Variants in FAM24B observed in about 807,000 individuals in gnomAD.
FAM24B encodes the protein family with sequence similarity 24 member B.
In FAM24B, 3 loss-of-function variants were observed where a neutral mutation model predicts 2.3. The ratio of observed to expected loss-of-function variants is 1.29; its 90% CI spans 0.59 to 3.32. The LOEUF (loss-of-function observed/expected upper bound fraction) is 3.32. Ranked by LOEUF, FAM24B falls within the 30% of genes most tolerant of loss-of-function variation. FAM24B has a pLI of 0.03. For missense variants in FAM24B, 98 were observed against 117.2 expected, an observed-to-expected ratio of 0.84 and a Z score of 0.76; for synonymous variants, 36 against 46.3, an observed-to-expected ratio of 0.78 and a Z score of 0.90.
chr10:122,849,444 A>G lies in FAM24B; in HGVS notation c.93-5T>C. 6.2e-7 allele frequency: 1 copy of G among 1,604,658 alleles called. No homozygotes were observed. Reference sequence around the variant, plus strand: ...GCTTCAGGTTCCTTTGCAGCTCTTGAGAAAAGACACACACAAAGCACAGGC... The same window carrying G: ...GCTTCAGGTTCCTTTGCAGCTCTTGGGAAAAGACACACACAAAGCACAGGC... On this transcript the variant is annotated splice_region_variant and splice_polypyrimidine_tract_variant and intron_variant, in intron 3 of 3. Coordinates refer to ENST00000368898, the MANE Select transcript of FAM24B (RefSeq NM_152644.3).
intron 1 of FAM24B, among the ~76,000 whole-genome samples, chr10:122,869,558 A>G (rs1464479951): frequency 6.6e-6 from 1 of 152,186 alleles, no homozygotes; most frequent in Non-Finnish European, 1.5e-5. Flanking sequence ...AGCAAATGTA[A>G]AAGAACAGAA....
rs757266896 is a variant in FAM24B, at chr10:122,849,434, G to C, written c.98C>G (p.Ala33Gly). 1.1e-5 allele frequency: 18 copies of C among 1,606,294 alleles called. No homozygotes were observed. The highest frequency in any genetic ancestry group is 1.5e-5 in the Non-Finnish European group (18 of 1,176,606). ...YFKIHNALKAAKEPEAVAVKN... is the reference protein window; with the variant it reads ...YFKIHNALKAGKEPEAVAVKN... ...TACAGCCACAGCTTCAGGTTCCTTT[G>C]CAGCTCTTGAGAAAAGACACACACA... Residue 33 changes from alanine to glycine, a missense_variant, in exon 4 of 4, where the codon GCA becomes GGA. By Grantham distance (60) the Ala-to-Gly change is moderately conservative. Transcript: ENST00000368898.
intron 1 of FAM24B, among the ~76,000 whole-genome samples, chr10:122,860,981 G>A (rs542170508): frequency 6.6e-6 from 1 of 151,890 alleles, no homozygotes; most frequent in African/African-American, 2.4e-5. Flanking sequence ...CTAGTCTATG[G>A]CTTTTCTTTT....
chr10:122,869,292 G>T (rs373598250), intron 1 of FAM24B, among the ~76,000 whole-genome samples: 2 of 152,132 alleles, frequency 1.3e-5, no homozygotes, highest in African/African-American at 4.8e-5. Flanking sequence ...AGCAAGTCCT[G>T]AGTGACCTAC....
chr10:122,865,778 A>T (rs900876924), intron 1 of FAM24B, among the ~76,000 whole-genome samples: 10 of 147,702 alleles, frequency 6.8e-5, no homozygotes, highest in Non-Finnish European at 1.2e-4. Flanking sequence ...GTAATTATTA[A>T]TTTTTTTTTT....
chr10:122,857,424 G>A (rs1412768705), intron 1 of FAM24B, among the ~76,000 whole-genome samples: 3 of 152,128 alleles, frequency 2.0e-5, no homozygotes, highest in African/African-American at 4.8e-5. Flanking sequence ...TGAAGCCAAC[G>A]AGCTTTGCTG....
At chr10:122,868,097 A>G (rs1248300705) in intron 1 of FAM24B, among the ~76,000 whole-genome samples, 2 of 152,244 alleles carry the variant, frequency 1.3e-5, no homozygotes, top group Non-Finnish European at 2.9e-5. Flanking sequence ...AAGTCCTTAA[A>G]GGACCTGATG....
At chr10:122,850,662 T>C (rs111814165) in intron 2 of FAM24B, 112 bp from the exon 3 acceptor site, 2 of 650,144 alleles carry the variant, frequency 3.1e-6, no homozygotes, top group Non-Finnish European at 5.6e-6. Flanking sequence ...CACAGATCCT[T>C]ATGTGTGTAA....
chr10:122,853,779 T>C, intron 2 of FAM24B, among the ~76,000 whole-genome samples: 1 of 152,192 alleles, frequency 6.6e-6, no homozygotes, highest in East Asian at 1.9e-4. Flanking sequence ...TGGTAGCAGA[T>C]GTCTGTAGTC....
chr10:122,875,587 T>C (rs1248659419), intron 1 of FAM24B, among the ~76,000 whole-genome samples: 1 of 152,236 alleles, frequency 6.6e-6, no homozygotes, highest in Non-Finnish European at 1.5e-5. Flanking sequence ...CTGTGTTTAA[T>C]GTTTGCTGTA....
intron 1 of FAM24B, among the ~76,000 whole-genome samples, chr10:122,876,531 T>A (rs1847979293): frequency 6.6e-6 from 1 of 152,232 alleles, no homozygotes. Flanking sequence ...GGGCACCATA[T>A]GAGTGGTCTC....
chr10:122,868,694 G>A (rs1047020698), intron 1 of FAM24B, among the ~76,000 whole-genome samples: 4 of 152,212 alleles, frequency 2.6e-5, no homozygotes, highest in African/African-American at 9.6e-5. Flanking sequence ...AGCTTCATAA[G>A]TGAAGGAGAA....
chr10:122,870,702 T>C (rs966295355), intron 1 of FAM24B, among the ~76,000 whole-genome samples: 3 of 152,258 alleles, frequency 2.0e-5, no homozygotes, highest in Non-Finnish European at 2.9e-5. Context: ...ATTATCTCAA[T>C]AGATGCAGAA....
intron 1 of FAM24B, among the ~76,000 whole-genome samples, chr10:122,865,813 T>G (rs565625859): frequency 6.3e-4 from 96 of 152,216 alleles, no homozygotes; most frequent in African/African-American, 2.0e-3. Context: ...CTATTTAGAT[T>G]ATCTATTTCT....
intron 1 of FAM24B, among the ~76,000 whole-genome samples, chr10:122,867,102 T>A (rs1316221913): frequency 1.3e-5 from 2 of 152,134 alleles, no homozygotes; most frequent in Non-Finnish European, 2.9e-5. Flanking sequence ...GTGGTCTGGA[T>A]AGAAAATCAA....
intron 1 of FAM24B, among the ~76,000 whole-genome samples, chr10:122,860,420 G>A (rs186824982): frequency 1.4e-4 from 21 of 152,286 alleles, no homozygotes; most frequent in African/African-American, 4.3e-4. Context: ...TTCATACATT[G>A]AAGGACATGT....
intron 1 of FAM24B, among the ~76,000 whole-genome samples, chr10:122,876,210 T>A (rs958315763): frequency 5.3e-5 from 8 of 152,202 alleles, no homozygotes; most frequent in African/African-American, 1.9e-4. Flanking sequence ...CACTCTTCCT[T>A]ATGACCCTTG....
intron 1 of FAM24B, among the ~76,000 whole-genome samples, chr10:122,868,169 A>G (rs1170941154): frequency 6.6e-6 from 1 of 152,234 alleles, no homozygotes; most frequent in Non-Finnish European, 1.5e-5. Flanking sequence ...AACTGATGCA[A>G]TCAACTGGAA....
At chr10:122,875,834 AAG>A (rs1258280772) in intron 1 of FAM24B, among the ~76,000 whole-genome samples, 1 of 152,192 alleles carries the variant, frequency 6.6e-6, no homozygotes, top group Non-Finnish European at 1.5e-5. Flanking sequence ...CATGTGCACT[AAG>A]AGGCAAAATG....
Sources: allele counts gnomAD v4.1 joint callset (sites outside exome capture counted in the v4.1 genomes callset), GRCh38; gene constraint gnomAD v4.1.1; transcripts MANE v1.5; gene names NCBI Gene and HGNC (gene_info 2026-07-23, HGNC 2026-07-21).